Variants in SLC9B1 observed in about 807,000 individuals in gnomAD.
The protein encoded by SLC9B1 is solute carrier family 9 member B1, also known as sodium/hydrogen exchanger 9B1.
Under a neutral mutation model 51.7 loss-of-function variants are expected in SLC9B1, and 32 were observed. The ratio of observed to expected loss-of-function variants is 0.62; its 90% CI spans 0.47 to 0.83. The LOEUF (loss-of-function observed/expected upper bound fraction) is 0.83. SLC9B1 is among the 40% of genes least tolerant of loss of function. The pLI is 0.00. For synonymous variants in SLC9B1, 145 were observed against 212.7 expected (o/e 0.68, Z 2.77); for missense variants, 406 against 613.2 (o/e 0.66, Z 3.57).
intron 3 of SLC9B1, among the ~76,000 whole-genome samples, chr4:102,961,476 A>G (rs1738120345): frequency 6.6e-6 from 1 of 152,276 alleles, no homozygotes; most frequent in South Asian, 2.1e-4. Context: ...GCATTCTGCT[A>G]TTTTTAGCAA....
intron 1 of SLC9B1, among the ~76,000 whole-genome samples, chr4:103,016,134 C>CAAAAAAAAAAAAAAAAAAAAAAAA (rs61227731): frequency 6.0e-5 from 3 of 49,630 alleles, no homozygotes; most frequent in East Asian, 6.5e-4. Flanking sequence ...AACTCTGTCT[C>CAAAAAAAAAAAAAAAAAAAAAAAA]AAAAAAAAAA....
intron 11 of SLC9B1, among the ~76,000 whole-genome samples, chr4:102,901,758 T>C (rs1230769233): frequency 6.6e-6 from 1 of 152,168 alleles, no homozygotes; most frequent in Admixed American, 6.5e-5. Context: ...TTGCCCTTCT[T>C]CTCATTGTTC....
exon 12 of SLC9B1, chr4:102,885,130 A>G: frequency 2.8e-6 from 3 of 1,083,914 alleles, no homozygotes; most frequent in Non-Finnish European, 4.2e-6. Context: ...AAAGTAACAA[A>G]GAATAAGCTC....
intron 6 of SLC9B1, among the ~76,000 whole-genome samples, chr4:102,935,210 A>G (rs1425302907): frequency 6.6e-6 from 1 of 152,248 alleles, no homozygotes; most frequent in Non-Finnish European, 1.5e-5. Context: ...AGATAAGGAA[A>G]AGTTGAAGGA....
intron 6 of SLC9B1, among the ~76,000 whole-genome samples, chr4:102,933,934 C>T (rs1300996755): frequency 1.3e-5 from 2 of 152,142 alleles, no homozygotes; most frequent in East Asian, 3.9e-4. Context: ...CCACGTCTGG[C>T]TAGTTTTTGT....
rs566184971 is a variant in SLC9B1, at chr4:102,962,404, C to T, written c.212-12977G>A. ...ATATCTTTGAGCAGAATCTGAGGAC[C>T]ATTATTTTTTAATGACAGAACTTCC... On this transcript the variant is annotated intron_variant, in intron 3 of 11. Transcript: ENST00000296422. The T allele has an allele frequency of 3.1e-4, 163 of 532,848 alleles. 3 individuals carry two copies. The highest frequency in any genetic ancestry group is 2.2e-3 in the South Asian group (156 of 70,788). The allele number at this position is 532,848 out of a possible 1,614,324, so 33.0% of individuals were successfully genotyped here. A position where few individuals can be genotyped will look rare whatever the true frequency, so the allele number is the denominator to read the frequency against.
At chr4:103,002,341 C>T (rs947680386) in intron 1 of SLC9B1, among the ~76,000 whole-genome samples, 2 of 152,198 alleles carry the variant, frequency 1.3e-5, no homozygotes, top group African/African-American at 4.8e-5. Flanking sequence ...AGTCTGACTC[C>T]AGAGCCCATA....
At chr4:103,000,999 C>A (rs1740496777) in intron 1 of SLC9B1, among the ~76,000 whole-genome samples, 1 of 152,238 alleles carries the variant, frequency 6.6e-6, no homozygotes, top group South Asian at 2.1e-4. Context: ...CCTGGGCATC[C>A]AGTCATTTCC....
At position 103,003,197 on chromosome 4, in the gene SLC9B1, C is replaced by T. The variant is rs1393603518; in HGVS notation, c.-1-11485G>A. 3.3e-5 allele frequency among the ~76,000 whole-genome samples: 5 copies of T among 152,258 alleles called. No individual in the cohort carries two copies. The East Asian group carries it at 9.6e-4, about 29-fold the overall frequency. On this transcript the variant is annotated intron_variant, in intron 1 of 11. Transcript: ENST00000296422. ...ATCTTGTTTCTTCAGTTCTTTACTTCCTTTCTAATAAAGGAAAGACCACAC... is the reference window on the plus strand; with the variant it reads ...ATCTTGTTTCTTCAGTTCTTTACTTTCTTTCTAATAAAGGAAAGACCACAC...
chr4:102,918,068 CAAAA>C (rs1196562612), intron 7 of SLC9B1, among the ~76,000 whole-genome samples: 4 of 17,772 alleles, frequency 2.3e-4, no homozygotes, highest in Non-Finnish European at 5.9e-4. Flanking sequence ...AACTCCATCT[CAAAA>C]AAAAAAAAAA....
chr4:102,985,078 C>G (rs769559237), intron 3 of SLC9B1, among the ~76,000 whole-genome samples: 6 of 152,140 alleles, frequency 3.9e-5, no homozygotes, highest in South Asian at 2.1e-4. Context: ...ATGTAATGCT[C>G]CACTTTATTC....
chr4:102,991,949 T>C (rs1285419522), intron 1 of SLC9B1, among the ~76,000 whole-genome samples: 1 of 152,148 alleles, frequency 6.6e-6, no homozygotes, highest in African/African-American at 2.4e-5. Flanking sequence ...GTAATATTTC[T>C]CAACAGTTCA....
At chr4:102,905,840 G>A (rs1408881368) in intron 10 of SLC9B1, among the ~76,000 whole-genome samples, 190 bp from the exon 11 acceptor site, 3 of 152,126 alleles carry the variant, frequency 2.0e-5, no homozygotes, top group African/African-American at 7.2e-5. Flanking sequence ...AAGTGCAAGA[G>A]AGTATCTGAT....
At chr4:102,942,567 A>T (rs1392903612) in intron 6 of SLC9B1, among the ~76,000 whole-genome samples, 1 of 152,148 alleles carries the variant, frequency 6.6e-6, no homozygotes, top group Non-Finnish European at 1.5e-5. Context: ...ACAAAAACAT[A>T]AAGTTGGGAA....
chr4:102,898,868 C>T (rs1438240876), downstream of SLC9B1, among the ~76,000 whole-genome samples: 1 of 152,228 alleles, frequency 6.6e-6, no homozygotes, highest in African/African-American at 2.4e-5. Flanking sequence ...GCCGGGACTA[C>T]AGGCACCTGC....
intron 11 of SLC9B1, among the ~76,000 whole-genome samples, chr4:102,893,068 A>G (rs2110411845): frequency 6.6e-6 from 1 of 152,228 alleles, no homozygotes; most frequent in South Asian, 2.1e-4. Context: ...AGATCGCCTA[A>G]GGTCAGGAGT....
intron 7 of SLC9B1, among the ~76,000 whole-genome samples, chr4:102,925,027 C>A (rs1736085259): frequency 1.3e-5 from 2 of 152,230 alleles, no homozygotes; most frequent in South Asian, 2.1e-4. Flanking sequence ...ACTAGAAATA[C>A]CATTTCACCC....
At chr4:102,975,103 A>G (rs2110503372) in intron 3 of SLC9B1, among the ~76,000 whole-genome samples, 1 of 152,298 alleles carries the variant, frequency 6.6e-6, no homozygotes, top group African/African-American at 2.4e-5. Flanking sequence ...CCTGGGCTCC[A>G]GGGACCCTCT....
intron 1 of SLC9B1, among the ~76,000 whole-genome samples, chr4:103,003,354 C>T (rs543316346): frequency 1.3e-5 from 2 of 152,276 alleles, no homozygotes; most frequent in African/African-American, 4.8e-5. Flanking sequence ...TCCAATTATT[C>T]TTCACTTTCA....
Sources: allele counts gnomAD v4.1 joint callset (sites outside exome capture counted in the v4.1 genomes callset), GRCh38; gene constraint gnomAD v4.1.1; transcripts MANE v1.5; gene names NCBI Gene and HGNC (gene_info 2026-07-23, HGNC 2026-07-21).